The following INPP4B variants were observed in gnomAD, a reference collection of about 807,000 sequenced individuals.
INPP4B encodes the protein inositol polyphosphate-4-phosphatase type II B.
INPP4B carries 55 observed loss-of-function variants against 122.5 expected under a neutral mutation model. The observed-to-expected ratio is 0.45, with a 90% confidence interval of 0.36 to 0.56. The LOEUF (loss-of-function observed/expected upper bound fraction) is 0.56, where lower values mean the gene tolerates loss of function less well. Among genes scored for constraint, INPP4B ranks in the 20% least tolerant of loss-of-function variants. The probability of loss-of-function intolerance (pLI) is 0.00; values close to 1 mark genes in which losing one functional copy is unlikely to be tolerated. For synonymous variants in INPP4B, 403 were observed against 388.7 expected, an observed-to-expected ratio of 1.04 and a Z score of -0.43; for missense variants, 1,000 against 1,097.7, an observed-to-expected ratio of 0.91 and a Z score of 1.26.
At chr4:142,834,668 G>A (rs1337858027) in intron 1 of INPP4B, among the ~76,000 whole-genome samples, 1 of 152,038 alleles carries the variant, frequency 6.6e-6, no homozygotes, top group African/African-American at 2.4e-5. Context: ...TGTAAGTTAG[G>A]GTCCCAAGTT....
At position 142,025,459 on chromosome 4, in the gene INPP4B, C is replaced by G. The variant is rs1736721745; in HGVS notation, c.*3323G>C. On this transcript the variant is annotated 3_prime_UTR_variant, in exon 26 of 26. Coordinates refer to ENST00000262992, the MANE Select transcript of INPP4B (RefSeq NM_001101669.3). The stretch of plus-strand genomic sequence containing the variant: ...AATAATGGTAATGTTTAACAACTAG[C>G]TTACAAAATTTCTGGTACTTTAATT... 1 of 152,122 alleles carries G rather than the reference C, an allele frequency of 6.6e-6. No homozygotes were observed. The highest frequency in any genetic ancestry group is 1.5e-5 in the Non-Finnish European group (1 of 68,026). 9.4% of individuals were successfully genotyped at this position (152,122 alleles called of 1,614,324 possible).
chr4:142,271,281 T>C (rs1022092245), intron 9 of INPP4B, among the ~76,000 whole-genome samples: 2 of 152,178 alleles, frequency 1.3e-5, no homozygotes, highest in African/African-American at 4.8e-5. Context: ...ATGTGTGAGG[T>C]AAGAGCACGG....
At chr4:142,605,649 G>A (rs1029771464) in intron 2 of INPP4B, among the ~76,000 whole-genome samples, 1 of 151,654 alleles carries the variant, frequency 6.6e-6, no homozygotes, top group Non-Finnish European at 1.5e-5. Context: ...AAAAAAAGGG[G>A]GCATATGAAT....
intron 1 of INPP4B, among the ~76,000 whole-genome samples, chr4:142,747,785 C>G (rs1405993593): frequency 1.3e-5 from 2 of 152,110 alleles, no homozygotes; most frequent in Non-Finnish European, 2.9e-5. Flanking sequence ...AAACCAAACA[C>G]TGCATGTTCC....
Position 142,437,645 on chromosome 4 carries a change from T to C in INPP4B, c.-126-6260A>G, listed in dbSNP as rs188317899. ...AAAGAATTTTCAACCCAGAATTTCA[T>C]GTCTGGCCAAACTAAGCTTCACAAG... On this transcript the variant is annotated intron_variant, in intron 3 of 25. Coordinates refer to ENST00000262992, the MANE Select transcript of INPP4B (RefSeq NM_001101669.3). Among the ~76,000 whole-genome samples, 381 of 152,210 alleles carry C rather than the reference T, an allele frequency of 2.5e-3. 3 individuals are homozygous for C. The highest frequency in any genetic ancestry group is 8.9e-3 in the African/African-American group (370 of 41,536).
intron 9 of INPP4B, among the ~76,000 whole-genome samples, chr4:142,303,637 C>T (rs748456593): frequency 5.3e-5 from 8 of 151,928 alleles, no homozygotes; most frequent in Non-Finnish European, 8.8e-5. Context: ...GGAGAGAAAA[C>T]CACAAATTTG....
At chr4:142,175,390 TTCC>T (rs1304474556) in intron 15 of INPP4B, among the ~76,000 whole-genome samples, 12 of 152,038 alleles carry the variant, frequency 7.9e-5, no homozygotes, top group African/African-American at 2.7e-4. Flanking sequence ...ATAATGAATA[TTCC>T]TCCTATTTTA....
At chr4:142,389,139 A>G (rs2148962055) in intron 7 of INPP4B, among the ~76,000 whole-genome samples, 1 of 152,002 alleles carries the variant, frequency 6.6e-6, no homozygotes, top group South Asian at 2.1e-4. Context: ...AATCCCATCT[A>G]CTTGGGAGTC....
At chr4:142,616,130 T>C (rs1743642025) in intron 2 of INPP4B, among the ~76,000 whole-genome samples, 1 of 152,108 alleles carries the variant, frequency 6.6e-6, no homozygotes, top group Non-Finnish European at 1.5e-5. Context: ...GATTGACATT[T>C]TTATGCAGAT....
intron 2 of INPP4B, among the ~76,000 whole-genome samples, chr4:142,536,726 C>A (rs929020726): frequency 3.9e-5 from 6 of 152,098 alleles, no homozygotes; most frequent in African/African-American, 1.2e-4. Flanking sequence ...TGGTAGCCTG[C>A]CCCTTTGATT....
At chr4:142,352,080 A>C (rs1782087679) in intron 7 of INPP4B, among the ~76,000 whole-genome samples, 1 of 151,952 alleles carries the variant, frequency 6.6e-6, no homozygotes, top group Non-Finnish European at 1.5e-5. Flanking sequence ...GTGTTCAGTA[A>C]AATTTTCCAG....
chr4:142,846,488 C>T (rs115966264), upstream of INPP4B, among the ~76,000 whole-genome samples: 1 of 152,110 alleles, frequency 6.6e-6, no homozygotes, highest in Non-Finnish European at 1.5e-5. This position sits in a 1 kb window ranked among gnomAD's most constrained non-coding sequence, Gnocchi z 5.1. Flanking sequence ...CTACCAGCCC[C>T]GCGCGCGCCC....
At chr4:142,681,672 C>T (rs1205987172) in intron 2 of INPP4B, among the ~76,000 whole-genome samples, 1 of 151,646 alleles carries the variant, frequency 6.6e-6, no homozygotes, top group Admixed American at 6.6e-5. Context: ...TGGATGCCTG[C>T]AAACGCCAAA....
At chr4:142,198,641 T>C (rs145556389) in intron 14 of INPP4B, among the ~76,000 whole-genome samples, 8 of 152,056 alleles carry the variant, frequency 5.3e-5, no homozygotes, top group African/African-American at 1.9e-4. Context: ...CTGAGTTCCC[T>C]ACAGTATTCC....
chr4:142,767,409 A>G (rs531009298), intron 1 of INPP4B, among the ~76,000 whole-genome samples: 1 of 152,252 alleles, frequency 6.6e-6, no homozygotes, highest in African/African-American at 2.4e-5. Flanking sequence ...AGACCCCTAT[A>G]TCTGTTATAA....
At chr4:142,807,225 A>T (rs569445745) in intron 1 of INPP4B, among the ~76,000 whole-genome samples, 1 of 152,278 alleles carries the variant, frequency 6.6e-6, no homozygotes, top group East Asian at 1.9e-4. Context: ...TGGGATATAT[A>T]TATAAGTAGA....
intron 5 of INPP4B, among the ~76,000 whole-genome samples, chr4:142,421,000 T>C (rs951323077): frequency 4.2e-4 from 64 of 152,116 alleles, no homozygotes; most frequent in African/African-American, 1.5e-3. Flanking sequence ...TAAATAGTAA[T>C]ATCCTTCCCA....
chr4:142,842,561 A>G (rs961098829), intron 1 of INPP4B, among the ~76,000 whole-genome samples: 2 of 141,762 alleles, frequency 1.4e-5, no homozygotes, highest in African/African-American at 5.2e-5. Context: ...TATATATAAT[A>G]TATAATATAT....
intron 25 of INPP4B, among the ~76,000 whole-genome samples, chr4:142,042,498 C>T (rs988907376): frequency 4.1e-5 from 6 of 146,610 alleles, no homozygotes; most frequent in African/African-American, 1.6e-4. Context: ...CCCTTTTCCA[C>T]TGCCAATTTA....
Sources: allele counts gnomAD v4.1 joint callset (sites outside exome capture counted in the v4.1 genomes callset), GRCh38; gene constraint gnomAD v4.1.1; non-coding constraint Gnocchi (gnomAD v3.1); transcripts MANE v1.5; gene names NCBI Gene and HGNC (gene_info 2026-07-23, HGNC 2026-07-21).